CREB5: variants seen among roughly 807,000 people sequenced by gnomAD.
CREB5 encodes cAMP responsive element binding protein 5.
In CREB5, 19 loss-of-function variants were observed where a neutral mutation model predicts 57.1. The ratio of observed to expected loss-of-function variants is 0.33; its 90% confidence interval spans 0.23 to 0.49. CREB5 has a LOEUF of 0.49. Ranked by LOEUF, CREB5 falls within the 20% of genes least tolerant of loss-of-function variation. CREB5 has a pLI of 0.99. For synonymous variants in CREB5, 238 were observed against 238.3 expected (o/e 1.00, Z 0.01); for missense variants, 579 against 671.6 (o/e 0.86, Z 1.52).
chr7:28,716,564 A>G, intron 5 of CREB5, among the ~76,000 whole-genome samples: 1 of 152,288 alleles, frequency 6.6e-6, no homozygotes, highest in East Asian at 1.9e-4. Flanking sequence ...AATCTTTCTC[A>G]TTATGGAGGT....
At chr7:28,664,712 G>C (rs1411222314) in intron 5 of CREB5, among the ~76,000 whole-genome samples, 1 of 152,090 alleles carries the variant, frequency 6.6e-6, no homozygotes, top group Non-Finnish European at 1.5e-5. Context: ...GATTCACCAA[G>C]ATTCATAAAA....
chr7:28,600,756 G>A (rs1325091220), intron 5 of CREB5, among the ~76,000 whole-genome samples: 1 of 152,084 alleles, frequency 6.6e-6, no homozygotes, highest in South Asian at 2.1e-4. Flanking sequence ...GAGGGAGCAG[G>A]GACTGGAGCT....
intron 5 of CREB5, among the ~76,000 whole-genome samples, chr7:28,667,116 C>A (rs1029237567): frequency 2.0e-5 from 3 of 151,892 alleles, no homozygotes; most frequent in African/African-American, 7.2e-5. Flanking sequence ...TCTGTCTGAC[C>A]GTGAACAAGC....
chr7:28,742,903 C>A (rs1195332396), intron 7 of CREB5, among the ~76,000 whole-genome samples: 2 of 152,124 alleles, frequency 1.3e-5, no homozygotes, highest in African/African-American at 2.4e-5. Context: ...CTGCTTCAGA[C>A]TCCTGAGTAG....
rs753872065 is a variant in CREB5 at position 28,488,294 on chromosome 7, G to T, written c.75+48G>T. ...CTCTGACATGCAGGGCCTGCTTTCCGAAAGGGAAGCAACTCTCACCCGGCA... is the reference window on the plus strand; with the variant it reads ...CTCTGACATGCAGGGCCTGCTTTCCTAAAGGGAAGCAACTCTCACCCGGCA... On this transcript the variant is annotated intron_variant, in intron 2 of 10. Transcript: ENST00000357727. 1.2e-5 allele frequency: 19 copies of T among 1,559,104 alleles called. No individual in the cohort carries two copies. The African/African-American group carries it at 2.3e-4, about 19-fold the overall frequency.
chr7:28,315,377 A>G (rs1033953443), intron 1 of CREB5, among the ~76,000 whole-genome samples: 2 of 152,212 alleles, frequency 1.3e-5, no homozygotes, highest in Non-Finnish European at 2.9e-5. Flanking sequence ...CTCTGTTTGC[A>G]GCAGTTGTCC....
intron 5 of CREB5, among the ~76,000 whole-genome samples, chr7:28,617,105 T>C (rs927782754): frequency 2.0e-5 from 3 of 152,228 alleles, no homozygotes; most frequent in East Asian, 1.9e-4. Flanking sequence ...TCCAGGTACA[T>C]GAGAGCTAAA....
intron 1 of CREB5, among the ~76,000 whole-genome samples, chr7:28,315,881 C>G (rs1785369272): frequency 6.6e-6 from 1 of 152,138 alleles, no homozygotes; most frequent in African/African-American, 2.4e-5. Context: ...TGGCTGGCTG[C>G]CCTGGTGATA....
chr7:28,637,363 T>C (rs1798463977), intron 5 of CREB5, among the ~76,000 whole-genome samples: 2 of 152,182 alleles, frequency 1.3e-5, no homozygotes, highest in South Asian at 2.1e-4. Context: ...TTGGGGGCTT[T>C]TTATGTAGAA....
At chr7:28,627,701 A>T (rs1798053496) in intron 5 of CREB5, among the ~76,000 whole-genome samples, 1 of 152,078 alleles carries the variant, frequency 6.6e-6, no homozygotes, top group South Asian at 2.1e-4. Flanking sequence ...TTCACTTCAC[A>T]CTTTCTAAGG....
intron 6 of CREB5, among the ~76,000 whole-genome samples, chr7:28,721,128 G>A (rs896423029): frequency 6.6e-6 from 1 of 152,030 alleles, no homozygotes; most frequent in African/African-American, 2.4e-5. Context: ...ATGCTCACCT[G>A]GGGGTGATTT....
chr7:28,704,190 T>G lies in CREB5; in HGVS notation c.465-14563T>G, dbSNP rs1373144775. ...CTTACTAATAAATTACTTATTCTAG[T>G]GCACAAAGAGTGAAACCTTTATTTC... On this transcript the variant is annotated intron_variant, in intron 5 of 10. Transcript: ENST00000357727. Among the ~76,000 whole-genome samples the G allele has an allele frequency of 3.3e-5, 5 of 152,234 alleles. No individual in the cohort carries two copies. The East Asian group carries it at 9.6e-4, about 29-fold the overall frequency.
chr7:28,533,341 A>G (rs924120056), intron 4 of CREB5, among the ~76,000 whole-genome samples: 2 of 152,196 alleles, frequency 1.3e-5, no homozygotes, highest in Non-Finnish European at 2.9e-5. Context: ...TTAGGGAAAA[A>G]AAGTAATTGT....
At chr7:28,510,420 G>A (rs979499833) in intron 4 of CREB5, among the ~76,000 whole-genome samples, 14 of 152,224 alleles carry the variant, frequency 9.2e-5, no homozygotes, top group Non-Finnish European at 2.9e-5. Flanking sequence ...TAAAGTGGAA[G>A]ATGGATTAAT....
At chr7:28,337,770 T>C (rs1008884564) in intron 1 of CREB5, among the ~76,000 whole-genome samples, 7 of 152,142 alleles carry the variant, frequency 4.6e-5, no homozygotes, top group African/African-American at 1.7e-4. Context: ...TGTGGTCTTA[T>C]CTTCCTCATT....
intron 7 of CREB5, among the ~76,000 whole-genome samples, chr7:28,725,200 G>C (rs994955079): frequency 6.6e-6 from 1 of 152,208 alleles, no homozygotes; most frequent in Non-Finnish European, 1.5e-5. Flanking sequence ...GGCAGCATTA[G>C]AGACTGTATC....
chr7:28,346,394 C>A (rs1444622042), intron 1 of CREB5, among the ~76,000 whole-genome samples: 1 of 152,210 alleles, frequency 6.6e-6, no homozygotes, highest in African/African-American at 2.4e-5. Flanking sequence ...CTCTCTGGGG[C>A]CTCTTTTACA....
rs1365184049 is a variant in CREB5, at chr7:28,632,639, A to C, written c.464+62102A>C. Among the ~76,000 whole-genome samples, 5 of 152,226 alleles carry C rather than the reference A, an allele frequency of 3.3e-5. No individual in the cohort carries two copies. The South Asian group carries it at 1.0e-3, about 31-fold the overall frequency. ...TATTGTCCTGGGATCCCGGGAGGAC[A>C]GAGAACGCTGCTACTTAACTTATGC... On this transcript the variant is annotated intron_variant, in intron 5 of 10. Transcript: ENST00000357727.
chr7:28,775,266 G>T (rs1020093558), intron 7 of CREB5, among the ~76,000 whole-genome samples: 3 of 151,804 alleles, frequency 2.0e-5, no homozygotes, highest in Admixed American at 2.0e-4. Flanking sequence ...ACTCTTTTAG[G>T]CTCAGCTCAG....
Sources: gnomAD v4.1 joint callset for allele counts (sites outside exome capture counted in the v4.1 genomes callset) on GRCh38, gnomAD v4.1.1 for gene constraint, MANE v1.5 for transcripts, NCBI Gene and HGNC (gene_info 2026-07-23, HGNC 2026-07-21) for gene names.